MAN2A1: variants seen among roughly 807,000 people sequenced by gnomAD.
MAN2A1 encodes the protein alpha-mannosidase 2.
In MAN2A1, 76 loss-of-function variants were observed where a neutral mutation model predicts 142.6. That is an observed-to-expected ratio of 0.53 (90% CI 0.44 to 0.65). The LOEUF (loss-of-function observed/expected upper bound fraction) is 0.65. Ranked by LOEUF, MAN2A1 falls within the 30% of genes least tolerant of loss-of-function variation. The pLI is 0.00. For missense variants in MAN2A1, 1,311 were observed against 1,365.1 expected, an observed-to-expected ratio of 0.96 and a Z score of 0.62; for synonymous variants, 559 against 473.2, an observed-to-expected ratio of 1.18 and a Z score of -2.35.
intron 16 of MAN2A1, among the ~76,000 whole-genome samples, chr5:109,829,412 A>C (rs1027469853): frequency 6.6e-5 from 10 of 152,162 alleles, no homozygotes; most frequent in African/African-American, 2.4e-4. Context: ...GGCTTTGGCT[A>C]ATGTTCTCAA....
chr5:109,842,240 C>T, intron 16 of MAN2A1, 88 bp from the exon 17 acceptor site: 1 of 758,124 alleles, frequency 1.3e-6, no homozygotes, highest in Non-Finnish European at 2.0e-6. Context: ...GAAAATGTAA[C>T]TTTGGAAAGA....
intron 5 of MAN2A1, among the ~76,000 whole-genome samples, chr5:109,759,964 TAGATAG>T (rs1467622555): frequency 0.013 from 363 of 28,706 alleles, 1 homozygote; most frequent in African/African-American, 0.1. Flanking sequence ...TATATATATA[TAGATAG>T]ATAGATAGAT....
rs147038909 is a variant in MAN2A1 at position 109,789,524 on chromosome 5, C to T, written c.1940C>T (p.Pro647Leu). Residue 647 changes from proline (P) to leucine (L), a missense_variant, in exon 12 of 22, where the codon CCA becomes CTA. This residue lies in a region of MAN2A1 where 890 missense variants were observed against 920.5 expected (regional missense o/e 0.97). Transcript: ENST00000261483. ...AATATAATAAGGCTGAGTGCGGAGCCAAGGTAAATTCATAATTTCTTACAA... is the reference window on the plus strand; with the variant it reads ...AATATAATAAGGCTGAGTGCGGAGCTAAGGTAAATTCATAATTTCTTACAA... ...QKNIIRLSAE[P>L]RYLVVYNPLE... 4.1e-5 allele frequency: 64 copies of T among 1,563,224 alleles called. No individual in the cohort carries two copies. The African/African-American group carries it at 7.3e-4, about 18-fold the overall frequency.
At chr5:109,734,930 A>G (rs986038569) in intron 4 of MAN2A1, among the ~76,000 whole-genome samples, 21 of 152,100 alleles carry the variant, frequency 1.4e-4, no homozygotes, top group Non-Finnish European at 2.8e-4. Context: ...TATCCTTGTT[A>G]ACTTTCTGCC....
rs1376824098 is a variant in MAN2A1, at chr5:109,842,471, C to A, written c.2700+10C>A. 1 of 1,525,474 alleles carries A rather than the reference C, an allele frequency of 6.6e-7. No homozygotes were observed. Among genetic ancestry groups the A allele is most frequent in the Non-Finnish European group, 8.9e-7 (1 of 1,120,742 alleles). The allele number at this position is 1,525,474 out of a possible 1,614,324, so 94.5% of individuals were successfully genotyped here. A position where few individuals can be genotyped will look rare whatever the true frequency, so the allele number is the denominator to read the frequency against. ...CCTAAATGGGTACCAGGTAATTTTT[C>A]CTTTAAAATGTTTAAGTAATGGTTG... On this transcript the variant is annotated intron_variant, in intron 17 of 21. Transcript: ENST00000261483.
chr5:109,855,014 A>C (rs1375350677), intron 19 of MAN2A1, 126 bp from the exon 20 acceptor site: 3 of 475,048 alleles, frequency 6.3e-6, no homozygotes, highest in Non-Finnish European at 3.6e-6. Context: ...TAAGACTGTT[A>C]TTTATAAAAT....
chr5:109,755,540 G>T, intron 5 of MAN2A1, 84 bp downstream of exon 5: 1 of 1,035,408 alleles, frequency 9.7e-7, no homozygotes, highest in South Asian at 1.6e-5. Flanking sequence ...CTTTTTTCGA[G>T]TAACTATTTT....
chr5:109,841,031 CT>C (rs553146180), intron 16 of MAN2A1, among the ~76,000 whole-genome samples: 70 of 152,154 alleles, frequency 4.6e-4, no homozygotes, highest in African/African-American at 1.7e-3. Context: ...TTTTTCCTTT[CT>C]GAACCTCAGA....
intron 17 of MAN2A1, among the ~76,000 whole-genome samples, chr5:109,843,040 A>G (rs1755253058): frequency 1.3e-5 from 2 of 152,030 alleles, no homozygotes; most frequent in Non-Finnish European, 2.9e-5. Flanking sequence ...TCTTGGACTC[A>G]AGTGATCTGC....
chr5:109,749,841 A>G (rs1380424224), intron 4 of MAN2A1, among the ~76,000 whole-genome samples: 1 of 152,048 alleles, frequency 6.6e-6, no homozygotes, highest in Non-Finnish European at 1.5e-5. Flanking sequence ...CTGTGAATGG[A>G]AAGACTTGGA....
At chr5:109,833,051 G>C (rs1242583349) in intron 16 of MAN2A1, among the ~76,000 whole-genome samples, 1 of 150,394 alleles carries the variant, frequency 6.6e-6, no homozygotes, top group Non-Finnish European at 1.5e-5. Context: ...GGGCAGAGGC[G>C]CTCCCCACAT....
At chr5:109,841,322 A>G (rs1020550791) in intron 16 of MAN2A1, among the ~76,000 whole-genome samples, 2 of 152,052 alleles carry the variant, frequency 1.3e-5, no homozygotes, top group Admixed American at 6.6e-5. Context: ...CAAGTCCCCA[A>G]AGTCCATTCT....
intron 12 of MAN2A1, 62 bp from the exon 13 acceptor site, chr5:109,817,205 CATGTAT>C: frequency 1.6e-6 from 2 of 1,289,824 alleles, no homozygotes; most frequent in South Asian, 1.3e-5. Flanking sequence ...TGTATATCTA[CATGTAT>C]ATGTATATGT....
chr5:109,740,752 A>G (rs896101653), intron 4 of MAN2A1, among the ~76,000 whole-genome samples: 8 of 152,276 alleles, frequency 5.3e-5, no homozygotes, highest in Non-Finnish European at 1.0e-4. Context: ...CTGGGATTCC[A>G]TGCTGATTTT....
chr5:109,703,602 T>TA (rs201696736), intron 1 of MAN2A1, among the ~76,000 whole-genome samples: 3,753 of 151,876 alleles, frequency 0.025, 59 homozygotes, highest in Middle Eastern at 0.075. Context: ...GTGTGGTTTT[T>TA]AAAAAAAAAT....
chr5:109,855,743 T>TC (rs1755589676), intron 20 of MAN2A1, among the ~76,000 whole-genome samples: 1 of 152,214 alleles, frequency 6.6e-6, no homozygotes, highest in Non-Finnish European at 1.5e-5. Flanking sequence ...CAACTCAGTT[T>TC]CCCATTAGAA....
At chr5:109,714,880 A>G (rs1453406941) in intron 2 of MAN2A1, among the ~76,000 whole-genome samples, 1 of 151,702 alleles carries the variant, frequency 6.6e-6, no homozygotes, top group African/African-American at 2.4e-5. Flanking sequence ...TAGGATCAGA[A>G]TCCTGTGCTT....
At position 109,861,598 on chromosome 5, in the gene MAN2A1, G is replaced by A. The variant is rs1363440425; in HGVS notation, c.3172-3438G>A. Among the ~76,000 whole-genome samples the A allele has an allele frequency of 3.3e-5, 5 of 152,160 alleles. No individual in the cohort carries two copies. In the South Asian group the frequency reaches 6.2e-4, roughly 19 times the overall value. On this transcript the variant is annotated intron_variant, in intron 20 of 21. Transcript: ENST00000261483. The stretch of plus-strand genomic sequence containing the variant: ...AAAGCTCTCACAACAACCCTAAGAA[G>A]GTAGGCAATATTTTCATCCCATCTT...
intron 12 of MAN2A1, among the ~76,000 whole-genome samples, chr5:109,810,757 CT>C (rs1754294096): frequency 6.6e-6 from 1 of 152,148 alleles, no homozygotes; most frequent in African/African-American, 2.4e-5. Flanking sequence ...TTTTTCCTCT[CT>C]TCAGCAGTTT....
Sources: allele counts gnomAD v4.1 joint callset (sites outside exome capture counted in the v4.1 genomes callset), GRCh38; gene constraint gnomAD v4.1.1; regional missense constraint gnomAD v4.1.1; transcripts MANE v1.5; gene names NCBI Gene and HGNC (gene_info 2026-07-23, HGNC 2026-07-21).